The following WWOX variants were observed in gnomAD, a reference collection of about 807,000 sequenced individuals.
WWOX encodes the protein WW domain containing oxidoreductase.
Under a neutral mutation model 46.2 loss-of-function variants are expected in WWOX, and 69 were observed. That is an observed-to-expected ratio of 1.49 (90% CI 1.23 to 1.82). WWOX has a LOEUF of 1.82. Among genes scored for constraint, WWOX ranks in the 40% most tolerant of loss-of-function variants. The probability of loss-of-function intolerance (pLI) is 0.00; values close to 1 mark genes in which losing one functional copy is unlikely to be tolerated. For missense variants in WWOX, 919 were observed against 542.6 expected (o/e 1.69, Z -6.89); for synonymous variants, 359 against 202.6 (o/e 1.77, Z -6.56).
At chr16:78,375,992 C>T (rs1456816854) in intron 5 of WWOX, among the ~76,000 whole-genome samples, 4 of 151,846 alleles carry the variant, frequency 2.6e-5, no homozygotes, top group Non-Finnish European at 4.4e-5. Flanking sequence ...CGGGGACTAC[C>T]AGCGCATGTC....
At chr16:78,151,152 C>G (rs532344627) in intron 4 of WWOX, among the ~76,000 whole-genome samples, 1 of 151,726 alleles carries the variant, frequency 6.6e-6, no homozygotes, top group African/African-American at 2.4e-5. Context: ...GCTAGGATTA[C>G]AGGCATGAGA....
chr16:78,124,444 A>G (rs536873640), intron 4 of WWOX: 1 of 152,290 alleles, frequency 6.6e-6, no homozygotes, highest in East Asian at 1.9e-4. Flanking sequence ...GGACTTTTGT[A>G]GCCTATACAT....
At chr16:78,685,557 G>A (rs1388822314) in intron 8 of WWOX, among the ~76,000 whole-genome samples, 4 of 152,210 alleles carry the variant, frequency 2.6e-5, no homozygotes, top group Non-Finnish European at 5.9e-5. Flanking sequence ...GAAAATTAAT[G>A]TTGAGAATCT....
intron 5 of WWOX, among the ~76,000 whole-genome samples, chr16:78,333,982 ATATCAGCC>A (rs1285241223): frequency 1.3e-5 from 2 of 152,170 alleles, no homozygotes; most frequent in Non-Finnish European, 2.9e-5. Context: ...TGTACTTTGC[ATATCAGCC>A]TGAGTTCCTT....
intron 8 of WWOX, among the ~76,000 whole-genome samples, chr16:79,183,520 T>C (rs1567603683): frequency 6.6e-6 from 1 of 152,240 alleles, no homozygotes; most frequent in East Asian, 1.9e-4. Context: ...TGTCTCTGAA[T>C]TGGCATCCAA....
chr16:78,990,070 G>T (rs1206706033), intron 8 of WWOX, among the ~76,000 whole-genome samples: 1 of 151,696 alleles, frequency 6.6e-6, no homozygotes, highest in Non-Finnish European at 1.5e-5. Flanking sequence ...TGTAGTCTCA[G>T]CTACTCGGGA....
chr16:78,608,564 G>A (rs1416606719), intron 8 of WWOX, among the ~76,000 whole-genome samples: 1 of 152,216 alleles, frequency 6.6e-6, no homozygotes, highest in Non-Finnish European at 1.5e-5. Context: ...TGCCCAGAAA[G>A]AGTTAAGTGA....
At chr16:78,190,693 G>T (rs1016196805) in intron 5 of WWOX, among the ~76,000 whole-genome samples, 1 of 152,130 alleles carries the variant, frequency 6.6e-6, no homozygotes, top group South Asian at 2.1e-4. Context: ...TTGGATTTCA[G>T]AGTCAAAAAC....
intron 8 of WWOX, among the ~76,000 whole-genome samples, chr16:78,878,705 C>T (rs1041600921): frequency 2.6e-5 from 4 of 151,944 alleles, no homozygotes; most frequent in Non-Finnish European, 5.9e-5. Context: ...ACCCCTTTCC[C>T]TGCAACACCC....
chr16:78,477,328 T>G (rs1454768483), intron 8 of WWOX, among the ~76,000 whole-genome samples: 1 of 152,210 alleles, frequency 6.6e-6, no homozygotes, highest in Non-Finnish European at 1.5e-5. Context: ...CTAGCAAACC[T>G]TTGCATAAAT....
chr16:78,881,145 A>G (rs900154289), intron 8 of WWOX, among the ~76,000 whole-genome samples: 13 of 151,750 alleles, frequency 8.6e-5, no homozygotes, highest in Admixed American at 8.5e-4. Context: ...GGGGCACACC[A>G]CCATGCCTGC....
chr16:78,813,245 C>T (rs1281076860), intron 8 of WWOX, among the ~76,000 whole-genome samples: 1 of 151,940 alleles, frequency 6.6e-6, no homozygotes, highest in Non-Finnish European at 1.5e-5. Context: ...TGTTTTAGGT[C>T]ATAAGTATTT....
intron 8 of WWOX, among the ~76,000 whole-genome samples, chr16:78,660,334 A>G (rs889331990): frequency 4.6e-5 from 7 of 152,130 alleles, no homozygotes; most frequent in African/African-American, 1.4e-4. Flanking sequence ...ACAGTGGTTC[A>G]TTTTATTTGA....
At chr16:78,455,646 A>G in intron 8 of WWOX, among the ~76,000 whole-genome samples, 1 of 113,576 alleles carries the variant, frequency 8.8e-6, no homozygotes, top group Admixed American at 8.4e-5. Flanking sequence ...TCTGTCTCAA[A>G]AAAAAAAAAA....
At chr16:78,904,377 A>C (rs1337298345) in intron 8 of WWOX, among the ~76,000 whole-genome samples, 1 of 151,682 alleles carries the variant, frequency 6.6e-6, no homozygotes, top group African/African-American at 2.4e-5. Flanking sequence ...TAGCTGGGAC[A>C]AGAGGAGCAC....
At chr16:78,863,436 T>A (rs2043935876) in intron 8 of WWOX, among the ~76,000 whole-genome samples, 1 of 152,198 alleles carries the variant, frequency 6.6e-6, no homozygotes, top group Non-Finnish European at 1.5e-5. Flanking sequence ...CAGCATTATA[T>A]TCCATTTGTA....
In WWOX at chr16:78,307,082, C is replaced by T. The variant is rs1050422623; in HGVS notation, c.517-79778C>T. Among the ~76,000 whole-genome samples the T allele has an allele frequency of 3.9e-5, 6 of 152,158 alleles. No homozygotes were observed. The South Asian group carries it at 1.0e-3, about 26-fold the overall frequency. ...AACTTCCAACTTTTTGAGCCTCTAC[C>T]ATATCTTGTTTTCACTGGGATTTCT... On this transcript the variant is annotated intron_variant, in intron 5 of 8. Coordinates refer to ENST00000566780, the MANE Select transcript of WWOX (RefSeq NM_016373.4).
At chr16:78,950,565 C>CAT (rs3086220) in intron 8 of WWOX, among the ~76,000 whole-genome samples, 6 of 148,932 alleles carry the variant, frequency 4.0e-5, no homozygotes, top group South Asian at 2.1e-4. Flanking sequence ...CACACACACA[C>CAT]GTTTCTGGTA....
At chr16:78,921,697 T>G (rs764799127) in intron 8 of WWOX, among the ~76,000 whole-genome samples, 12 of 152,124 alleles carry the variant, frequency 7.9e-5, no homozygotes, top group Non-Finnish European at 1.8e-4. Flanking sequence ...GTACTAACTG[T>G]TAAAGTAAGC....
Sources: allele counts gnomAD v4.1 joint callset (sites outside exome capture counted in the v4.1 genomes callset), GRCh38; gene constraint gnomAD v4.1.1; transcripts MANE v1.5; gene names NCBI Gene and HGNC (gene_info 2026-07-23, HGNC 2026-07-21).